Variants in TBC1D22A observed in about 807,000 individuals in gnomAD.
TBC1D22A encodes the protein putative GTPase activator.
A neutral mutation model predicts 60.2 loss-of-function variants in TBC1D22A; 38 were observed. That is an observed-to-expected ratio of 0.63 (90% CI 0.49 to 0.83). The LOEUF is 0.83. TBC1D22A is among the 40% of genes least tolerant of loss of function. The pLI is 0.00. For synonymous variants in TBC1D22A, 302 were observed against 281.7 expected (o/e 1.07, Z -0.72); for missense variants, 628 against 701.0 (o/e 0.90, Z 1.18).
intron 8 of TBC1D22A, among the ~76,000 whole-genome samples, chr22:46,962,153 C>T (rs2073542235): frequency 6.6e-6 from 1 of 152,166 alleles, no homozygotes; most frequent in African/African-American, 2.4e-5. Context: ...CTGGCTTCTG[C>T]CCAGGATCGG....
chr22:47,075,624 G>A (rs1323659008), intron 11 of TBC1D22A, among the ~76,000 whole-genome samples: 2 of 151,932 alleles, frequency 1.3e-5, no homozygotes, highest in African/African-American at 2.4e-5. Context: ...TACAATAGAA[G>A]GCATAAAAGG....
intron 11 of TBC1D22A, among the ~76,000 whole-genome samples, chr22:47,052,574 C>G (rs1317931312): frequency 6.6e-6 from 1 of 152,208 alleles, no homozygotes; most frequent in Non-Finnish European, 1.5e-5. Flanking sequence ...TGTGCCCAGG[C>G]CATTGCCTGC....
chr22:46,981,539 C>T (rs2074511858), intron 9 of TBC1D22A, among the ~76,000 whole-genome samples: 1 of 152,214 alleles, frequency 6.6e-6, no homozygotes, highest in Admixed American at 6.5e-5. Context: ...TGGGGGCGGT[C>T]TCCCCCATTC....
chr22:46,767,559 A>G (rs900102769), intron 1 of TBC1D22A, among the ~76,000 whole-genome samples: 1 of 152,200 alleles, frequency 6.6e-6, no homozygotes, highest in African/African-American at 2.4e-5. Flanking sequence ...CTTACAGTGC[A>G]GTGGGAGAGC....
intron 11 of TBC1D22A, among the ~76,000 whole-genome samples, chr22:47,110,710 G>A (rs958888789): frequency 6.6e-6 from 1 of 152,196 alleles, no homozygotes; most frequent in Non-Finnish European, 1.5e-5. Context: ...TCCTATAGAT[G>A]TTGCATGGGC....
chr22:47,121,631 G>A (rs1207650129), intron 12 of TBC1D22A, among the ~76,000 whole-genome samples: 5 of 152,024 alleles, frequency 3.3e-5, no homozygotes, highest in Non-Finnish European at 5.9e-5. Flanking sequence ...CAGAAAGACC[G>A]AACAGAAACA....
chr22:46,906,772 C>T (rs112802769), intron 7 of TBC1D22A, among the ~76,000 whole-genome samples: 56 of 142,212 alleles, frequency 3.9e-4, no homozygotes, highest in African/African-American at 1.6e-3. Context: ...CCCAGATGGA[C>T]CCTGAACTGT....
intron 8 of TBC1D22A, among the ~76,000 whole-genome samples, chr22:46,948,159 A>G (rs892198156): frequency 2.0e-5 from 3 of 152,374 alleles, no homozygotes; most frequent in Middle Eastern, 3.4e-3. Flanking sequence ...AAACCTGCAT[A>G]TCTTCAAATA....
At chr22:46,978,415 T>G (rs988822515) in intron 9 of TBC1D22A, among the ~76,000 whole-genome samples, 1 of 152,250 alleles carries the variant, frequency 6.6e-6, no homozygotes, top group Non-Finnish European at 1.5e-5. Flanking sequence ...TTACTATTTT[T>G]CGAAACAAAA....
At chr22:46,874,398 CA>C (rs2067437556) in intron 4 of TBC1D22A, among the ~76,000 whole-genome samples, 1 of 152,044 alleles carries the variant, frequency 6.6e-6, no homozygotes. Context: ...TACACTCCCA[CA>C]GACAGTGTAA....
intron 9 of TBC1D22A, among the ~76,000 whole-genome samples, chr22:46,980,193 A>G (rs2074459255): frequency 6.6e-6 from 1 of 152,160 alleles, no homozygotes; most frequent in African/African-American, 2.4e-5. Context: ...ATTTATATTT[A>G]TTTATTTGAG....
chr22:46,934,287 C>A (rs2071519827), intron 8 of TBC1D22A, among the ~76,000 whole-genome samples: 1 of 152,232 alleles, frequency 6.6e-6, no homozygotes, highest in African/African-American at 2.4e-5. Flanking sequence ...TGGAGACACT[C>A]AAGTGCGTAG....
chr22:46,990,197 A>G lies in TBC1D22A; in HGVS notation c.1126-7437A>G, dbSNP rs920420564. 6.6e-6 allele frequency among the ~76,000 whole-genome samples: 1 copy of G among 152,228 alleles called. No homozygotes were observed. On this transcript the variant is annotated intron_variant, in intron 9 of 12. Coordinates refer to ENST00000337137, the MANE Select transcript of TBC1D22A (RefSeq NM_014346.5). This position sits in a 1 kb window ranked among gnomAD's most constrained non-coding sequence, Gnocchi z 4.6. Reference sequence around the variant, plus strand: ...TTTTTAGTGTATGTTTAGACCACATATATATTCATCTAATCTGTCCAACCT... The same window carrying G: ...TTTTTAGTGTATGTTTAGACCACATGTATATTCATCTAATCTGTCCAACCT...
chr22:46,915,483 C>T (rs752234587), intron 8 of TBC1D22A: 14 of 456,578 alleles, frequency 3.1e-5, no homozygotes, highest in Non-Finnish European at 5.3e-5. Flanking sequence ...CATGTGACCG[C>T]TCATACACCT....
At chr22:47,016,995 G>A (rs2061930074) in intron 10 of TBC1D22A, among the ~76,000 whole-genome samples, 1 of 152,234 alleles carries the variant, frequency 6.6e-6, no homozygotes, top group African/African-American at 2.4e-5. Flanking sequence ...TGCGATGGTC[G>A]CCGATGGCGG....
At position 46,915,148 on chromosome 22, in the gene TBC1D22A, C is replaced by A. The variant is rs189033225; in HGVS notation, c.1015+2960C>A. 102 of 338,358 alleles carry A rather than the reference C, an allele frequency of 3.0e-4. No homozygotes were observed. In the East Asian group the frequency reaches 7.6e-3, roughly 25 times the overall value. 21.0% of individuals were successfully genotyped at this position (338,358 alleles called of 1,614,324 possible). On this transcript the variant is annotated intron_variant, in intron 8 of 12. Transcript: ENST00000337137. ...GTCGAGTCCCAGGGGTGTGCGAAACCCCCAGCCACTGTGCTCAGGTTCTTA... is the reference window on the plus strand; with the variant it reads ...GTCGAGTCCCAGGGGTGTGCGAAACACCCAGCCACTGTGCTCAGGTTCTTA...
intron 11 of TBC1D22A, among the ~76,000 whole-genome samples, chr22:47,060,133 C>T (rs2063518495): frequency 6.6e-6 from 1 of 152,014 alleles, no homozygotes; most frequent in Admixed American, 6.5e-5. Context: ...GTGTTGGCTC[C>T]GTTTATCATT....
At chr22:46,797,650 A>G in intron 4 of TBC1D22A, 30 bp downstream of exon 4, 1 of 1,558,238 alleles carries the variant, frequency 6.4e-7, no homozygotes, top group South Asian at 1.2e-5. Flanking sequence ...GAGGACACAC[A>G]CAGACATTTC....
chr22:46,798,842 T>C (rs1051315057), intron 4 of TBC1D22A, among the ~76,000 whole-genome samples: 2 of 152,132 alleles, frequency 1.3e-5, no homozygotes, highest in African/African-American at 4.8e-5. Context: ...AGGGGCCATA[T>C]AGGAGCTTGC....
Sources: allele counts gnomAD v4.1 joint callset (sites outside exome capture counted in the v4.1 genomes callset), GRCh38; gene constraint gnomAD v4.1.1; non-coding constraint Gnocchi (gnomAD v3.1); transcripts MANE v1.5; gene names NCBI Gene and HGNC (gene_info 2026-07-23, HGNC 2026-07-21).